The following ACADSB variants were observed in gnomAD, a reference collection of about 807,000 sequenced individuals.
The protein encoded by ACADSB is acyl-CoA dehydrogenase short/branched chain, also known as short/branched chain specific acyl-CoA dehydrogenase, mitochondrial.
ACADSB carries 40 observed loss-of-function variants against 54.1 expected under a neutral mutation model. The observed-to-expected ratio is 0.74, with a 90% CI of 0.57 to 0.96. ACADSB has a LOEUF of 0.96. ACADSB is among the 40% of genes least tolerant of loss of function. The probability of loss-of-function intolerance (pLI) is 0.00; values close to 1 mark genes in which losing one functional copy is unlikely to be tolerated. For synonymous variants in ACADSB, 182 were observed against 182.8 expected (o/e 1.00, Z 0.03); for missense variants, 530 against 510.4 (o/e 1.04, Z -0.37).
At position 123,052,663 on chromosome 10, in the gene ACADSB, C is replaced by G; in HGVS notation, c.1129-398C>G. 3.6e-6 allele frequency: 1 copy of G among 280,252 alleles called. No individual in the cohort carries two copies. Among genetic ancestry groups the G allele is most frequent in the Non-Finnish European group, 6.9e-6 (1 of 144,758 alleles). The allele number at this position is 280,252 out of a possible 1,614,324, so 17.4% of individuals were successfully genotyped here. ...TCCATTCTCTTTTCACATTTCACCC[C>G]GATCCCAGCCCACTGGCTGTCTCAG... On this transcript the variant is annotated intron_variant, in intron 9 of 10. Coordinates refer to ENST00000358776, the MANE Select transcript of ACADSB (RefSeq NM_001609.4). The surrounding 1 kb of genome is among the most constrained non-coding windows in gnomAD (Gnocchi z 4.2).
intron 1 of ACADSB, among the ~76,000 whole-genome samples, chr10:123,032,274 C>T (rs566559295): frequency 8.7e-4 from 132 of 152,106 alleles, no homozygotes; most frequent in African/African-American, 3.0e-3. Context: ...CCACTGCACC[C>T]GGCCTCGTGA....
chr10:123,040,358 AT>A (rs1362149025), intron 3 of ACADSB, 107 bp from the exon 4 acceptor site: 178 of 15,974 alleles, frequency 0.011, no homozygotes, highest in African/African-American at 0.042. Context: ...CAAAAAAAAA[AT>A]AATAATAATA....
intron 1 of ACADSB, among the ~76,000 whole-genome samples, chr10:123,010,024 T>C (rs1849996481): frequency 6.6e-6 from 1 of 152,220 alleles, no homozygotes; most frequent in Non-Finnish European, 1.5e-5. Context: ...TAGAGATAAT[T>C]AATGTTATTT....
chr10:123,036,009 C>T (rs541428454), intron 2 of ACADSB, among the ~76,000 whole-genome samples: 22 of 152,322 alleles, frequency 1.4e-4, no homozygotes, highest in African/African-American at 5.3e-4. Flanking sequence ...GTTTGAATAA[C>T]TGAGAGAGGA....
chr10:123,011,834 G>A (rs957199658), intron 1 of ACADSB, among the ~76,000 whole-genome samples: 7 of 149,980 alleles, frequency 4.7e-5, no homozygotes, highest in East Asian at 2.0e-4. Flanking sequence ...ACACCAGGCC[G>A]CTTGATGTCT....
intron 1 of ACADSB, chr10:123,027,468 C>T (rs150706333): frequency 1.6e-4 from 70 of 450,670 alleles, no homozygotes; most frequent in African/African-American, 1.3e-3. Flanking sequence ...GAATAAGTCT[C>T]ATGAGATCTG....
intron 1 of ACADSB, among the ~76,000 whole-genome samples, chr10:123,013,563 G>A (rs897757419): frequency 2.6e-5 from 4 of 152,244 alleles, no homozygotes; most frequent in Admixed American, 6.5e-5. Flanking sequence ...GGTGGCGCTC[G>A]TCGGGGAGGC....
intron 7 of ACADSB, among the ~76,000 whole-genome samples, chr10:123,046,246 A>T (rs937981692): frequency 6.6e-5 from 10 of 152,242 alleles, no homozygotes; most frequent in Non-Finnish European, 7.3e-5. Context: ...TAAAAGACTA[A>T]AAGAAAATGT....
intron 8 of ACADSB, among the ~76,000 whole-genome samples, chr10:123,050,218 C>T (rs950269751): frequency 6.6e-5 from 10 of 152,206 alleles, no homozygotes; most frequent in African/African-American, 1.9e-4. Context: ...TCAAGGTTCA[C>T]TGTCTTAATA....
intron 1 of ACADSB, among the ~76,000 whole-genome samples, chr10:123,031,593 C>T (rs1850327759): frequency 6.6e-6 from 1 of 151,908 alleles, no homozygotes; most frequent in Non-Finnish European, 1.5e-5. Flanking sequence ...CAGTCAAAGG[C>T]CAGGAAAAGA....
chr10:123,039,467 A>G (rs1850442907), intron 3 of ACADSB, among the ~76,000 whole-genome samples: 2 of 152,328 alleles, frequency 1.3e-5, no homozygotes, highest in East Asian at 3.9e-4. Context: ...TGTGAGTTTC[A>G]GTAACGATGG....
intron 1 of ACADSB, among the ~76,000 whole-genome samples, chr10:123,033,944 C>T (rs938584467): frequency 6.6e-6 from 1 of 152,170 alleles, no homozygotes; most frequent in Admixed American, 6.5e-5. Context: ...TCCCTGGGCC[C>T]ACTCAGGGCA....
At chr10:123,013,521 C>T (rs1221793791) in intron 1 of ACADSB, among the ~76,000 whole-genome samples, 11 of 152,362 alleles carry the variant, frequency 7.2e-5, no homozygotes, top group Admixed American at 5.2e-4. Flanking sequence ...AGCCCTTGGG[C>T]GGTTGATGGG....
At position 123,009,008 on chromosome 10, in the gene ACADSB, A is replaced by G. The variant is rs563472823; in HGVS notation, c.-22A>G. On this transcript the variant is annotated 5_prime_UTR_variant, in exon 1 of 11. Coordinates refer to ENST00000358776, the MANE Select transcript of ACADSB (RefSeq NM_001609.4). ...GCTGGCTAGAGACCCAGAGGCGCAGAGCGGAGAGGCCTGCGGCGAGGATGG... is the reference window on the plus strand; with the variant it reads ...GCTGGCTAGAGACCCAGAGGCGCAGGGCGGAGAGGCCTGCGGCGAGGATGG... The G allele has an allele frequency of 9.8e-5, 151 of 1,547,434 alleles. No individual in the cohort carries two copies. In the East Asian group the frequency reaches 3.5e-3, roughly 36 times the overall value.
chr10:123,051,562 G>A (rs1409469972), intron 9 of ACADSB, among the ~76,000 whole-genome samples: 1 of 152,172 alleles, frequency 6.6e-6, no homozygotes, highest in Non-Finnish European at 1.5e-5. Context: ...TGCCTATGGT[G>A]TCAAGTTCGG....
chr10:123,039,317 G>A (rs1003603981), intron 3 of ACADSB, among the ~76,000 whole-genome samples: 3 of 152,152 alleles, frequency 2.0e-5, no homozygotes, highest in African/African-American at 4.8e-5. Context: ...AGCCCAAAAT[G>A]TAACAGCCAC....
chr10:123,051,666 A>G (rs1353970817), intron 9 of ACADSB, among the ~76,000 whole-genome samples: 1 of 152,204 alleles, frequency 6.6e-6, no homozygotes, highest in Admixed American at 6.5e-5. Context: ...TTCTACTCAT[A>G]CATTTGCTTT....
At chr10:123,015,906 G>T (rs1850104122) in intron 1 of ACADSB, among the ~76,000 whole-genome samples, 1 of 152,200 alleles carries the variant, frequency 6.6e-6, no homozygotes, top group South Asian at 2.1e-4. Flanking sequence ...CTCAATGAGG[G>T]TGATAGCACC....
At chr10:123,030,146 G>A (rs1850306893) in intron 1 of ACADSB, among the ~76,000 whole-genome samples, 1 of 152,206 alleles carries the variant, frequency 6.6e-6, no homozygotes, top group African/African-American at 2.4e-5. Flanking sequence ...TGCAAACCAT[G>A]TCATATGTCT....
Sources: allele counts gnomAD v4.1 joint callset (sites outside exome capture counted in the v4.1 genomes callset), GRCh38; gene constraint gnomAD v4.1.1; non-coding constraint Gnocchi (gnomAD v3.1); transcripts MANE v1.5; gene names NCBI Gene and HGNC (gene_info 2026-07-23, HGNC 2026-07-21).